CDK5RAP3: variants seen among roughly 807,000 people sequenced by gnomAD.
The protein encoded by CDK5RAP3 is CDK5 regulatory subunit associated protein 3, also known as CDK5 regulatory subunit-associated protein 3.
In CDK5RAP3, 58 loss-of-function variants were observed where a neutral mutation model predicts 73.3. The observed-to-expected ratio is 0.79, with a 90% CI of 0.64 to 0.98. The LOEUF is 0.98. Among genes scored for constraint, CDK5RAP3 ranks in the 50% least tolerant of loss-of-function variants. The pLI is 0.00. For missense variants in CDK5RAP3, 525 were observed against 615.8 expected, an observed-to-expected ratio of 0.85 and a Z score of 1.56; for synonymous variants, 224 against 247.5, an observed-to-expected ratio of 0.91 and a Z score of 0.89.
intron 4 of CDK5RAP3, 118 bp downstream of exon 4, chr17:47,974,149 C>G (rs1191308594): frequency 2.6e-6 from 2 of 774,108 alleles, no homozygotes; most frequent in Non-Finnish European, 4.4e-6. Flanking sequence ...ATTTCCTGAA[C>G]TTTCACTCTG....
chr17:47,975,133 G>A, intron 5 of CDK5RAP3, 26 bp from the exon 6 acceptor site: 1 of 1,613,936 alleles, frequency 6.2e-7, no homozygotes, highest in Non-Finnish European at 8.5e-7. Flanking sequence ...GGGTGTCCTG[G>A]GCTGAATTTC....
chr17:47,981,697 G>A lies in CDK5RAP3; in HGVS notation c.*195G>A. ...ACAAGAAGCTGTGGTGATTGGCCCT[G>A]TGGTCTATCAGGCGAAAACCACAGA... On this transcript the variant is annotated 3_prime_UTR_variant, in exon 14 of 14. Transcript: ENST00000338399. The A allele has an allele frequency of 1.3e-6, 2 of 1,534,972 alleles. No individual in the cohort carries two copies. Among genetic ancestry groups the A allele is most frequent in the Non-Finnish European group, 1.7e-6 (2 of 1,145,518 alleles).
rs140552517 is a variant in CDK5RAP3, at chr17:47,976,724, G to A, written c.811G>A (p.Asp271Asn). The part of the protein sequence containing the change: ...QVAEDAIDWG[D>N]FGVEAVSEGT... Reference sequence around the variant, plus strand: ...TTTCCCTTTCCAGATTGACTGGGGCGACTTTGGGGTAGAGGCAGTGTCTGA... The same window carrying A: ...TTTCCCTTTCCAGATTGACTGGGGCAACTTTGGGGTAGAGGCAGTGTCTGA... The change falls in exon 9 of 14, where the codon GAC (aspartate) becomes AAC (asparagine). Residue 271 changes from aspartate (D) to asparagine (N), a missense_variant. Physicochemically the swap from Asp to Asn is conservative, Grantham distance 23. Transcript: ENST00000338399. 2,308 of 1,611,140 alleles carry A rather than the reference G, an allele frequency of 1.4e-3. 20 individuals carry two copies. In the African/African-American group the frequency reaches 0.016, roughly 11 times the overall value.
intron 10 of CDK5RAP3, chr17:47,978,524 C>G (rs2036476132): frequency 2.8e-6 from 1 of 358,910 alleles, no homozygotes; most frequent in Non-Finnish European, 5.2e-6. Context: ...GTAGTGGTGT[C>G]TGAGCCACTA....
intron 5 of CDK5RAP3, chr17:47,974,845 T>C: frequency 1.6e-6 from 2 of 1,275,948 alleles, no homozygotes; most frequent in Non-Finnish European, 2.0e-6. Context: ...ACTAACTGTG[T>C]TTGGGTTGGG....
rs950673912 is a variant in CDK5RAP3 at position 47,975,899 on chromosome 17, G to T, written c.684G>T (p.Arg228=). The part of the protein sequence containing the change: ...SPTEQVLPML[R]FVQKRGNSTV... Reference sequence around the variant, plus strand: ...CAGAGCAGGTGTTGCCAATGCTGCGGTTCGTGCAGAAGCGGGGAAACTCAA... The same window carrying T: ...CAGAGCAGGTGTTGCCAATGCTGCGTTTCGTGCAGAAGCGGGGAAACTCAA... Residue 228 remains arginine, a synonymous_variant, in exon 8 of 14, where the codon CGG becomes CGT. Transcript: ENST00000338399. The T allele has an allele frequency of 6.2e-7, 1 of 1,614,264 alleles. No homozygotes were observed. Among genetic ancestry groups the T allele is most frequent in the Non-Finnish European group, 8.5e-7 (1 of 1,180,052 alleles).
At chr17:47,969,145 C>T (rs1296545104), upstream of CDK5RAP3, among the ~76,000 whole-genome samples, 3 of 152,202 alleles carry the variant, frequency 2.0e-5, no homozygotes, top group Non-Finnish European at 4.4e-5. Flanking sequence ...CAAGACCTCA[C>T]TGGGCAGAAT....
Position 47,981,489 on chromosome 17 carries a change from GA to G in CDK5RAP3, c.1510del (p.Thr504ProfsTer19), listed in dbSNP as rs754710076. 2 of 1,614,224 alleles carry G rather than the reference GA, an allele frequency of 1.2e-6. No individual in the cohort carries two copies. Among genetic ancestry groups the G allele is most frequent in the Admixed American group, 1.7e-5 (1 of 60,026 alleles). The part of the protein sequence containing the change: ...RYSGRPVNLM[G>X]TSL ...AGCGGGCGCCCTGTGAACCTGATGG[GA>G]ACCTCTCTGTGACACCCTCCGTGTT... On this transcript the variant is annotated frameshift_variant, in exon 14 of 14. Transcript: ENST00000338399. LOFTEE classifies it high-confidence loss of function.
chr17:47,968,466 G>A (rs963224526), upstream of CDK5RAP3, among the ~76,000 whole-genome samples: 1 of 151,146 alleles, frequency 6.6e-6, no homozygotes, highest in African/African-American at 2.4e-5. Context: ...GGGACTGCAG[G>A]CATGCACCAC....
intron 2 of CDK5RAP3, 96 bp downstream of exon 2, chr17:47,971,503 T>G (rs2036266925): frequency 8.5e-7 from 1 of 1,178,998 alleles, no homozygotes; most frequent in South Asian, 1.5e-5. Context: ...CCTGAAAGCC[T>G]GAGTCGAGAT....
At chr17:47,969,580 A>AAG (rs2036224452), upstream of CDK5RAP3, among the ~76,000 whole-genome samples, 1 of 131,326 alleles carries the variant, frequency 7.6e-6, no homozygotes, top group African/African-American at 2.9e-5. Flanking sequence ...AAAAAAAAAA[A>AAG]AAAAGAAAAG....
Position 47,973,566 on chromosome 17 carries a change from G to A in CDK5RAP3, c.100G>A (p.Val34Met). The part of the protein sequence containing the change: ...RHCSLKWQSL[V>M]LTIREKINAA... ...CTGCAGCCTGAAATGGCAGAGTCTG[G>A]TGCTGACGATCCGCGAGAAGATCAA... is the stretch of plus-strand genomic sequence containing the variant. Residue 34 changes from valine to methionine, a missense_variant, in exon 3 of 14, where the codon GTG (valine) becomes ATG (methionine). By Grantham distance (21) the Val-to-Met change is conservative. Transcript: ENST00000338399. The A allele has an allele frequency of 1.2e-6, 2 of 1,614,182 alleles. No homozygotes were observed.
rs767315001 is a variant in CDK5RAP3 at position 47,981,476 on chromosome 17, G to A, written c.1495G>A (p.Val499Met). 1.2e-6 allele frequency: 2 copies of A among 1,614,244 alleles called. No homozygotes were observed. Among genetic ancestry groups the A allele is most frequent in the Non-Finnish European group, 1.7e-6 (2 of 1,180,048 alleles). The change falls in exon 14 of 14, where the codon GTG (valine) becomes ATG (methionine). Residue 499 changes from valine (V) to methionine (M), a missense_variant. By Grantham distance (21) the Val-to-Met change is conservative (BLOSUM62 1). Around this residue, in one of 2 missense-constraint regions of CDK5RAP3, gnomAD observed 116 missense variants for 186.1 expected, o/e 0.62. Coordinates refer to ENST00000338399, the MANE Select transcript of CDK5RAP3 (RefSeq NM_176096.3). ...DISKRYSGRP[V>M]NLMGTSL Reference sequence around the variant, plus strand: ...CTCCAAGAGGTACAGCGGGCGCCCTGTGAACCTGATGGGAACCTCTCTGTG... The same window carrying A: ...CTCCAAGAGGTACAGCGGGCGCCCTATGAACCTGATGGGAACCTCTCTGTG...
At position 47,975,643 on chromosome 17, in the gene CDK5RAP3, G is replaced by C. The variant is rs753063656; in HGVS notation, c.643G>C (p.Val215Leu). The C allele has an allele frequency of 4.4e-6, 7 of 1,600,650 alleles. No individual in the cohort carries two copies. In the South Asian group the frequency reaches 7.7e-5, roughly 18 times the overall value. The change falls in exon 7 of 14, where the codon GTG (valine) becomes CTG (leucine). Residue 215 changes from valine (V) to leucine (L), a missense_variant. Val to Leu is a conservative substitution (Grantham distance 32). Transcript: ENST00000338399. ...CGTGTACCAGGCGTCTGTGGGGTTT[G>C]TGTGTGAGAGGTAGAGAGGCCTCAG... Reference protein sequence around the residue: ...IDVYQASVGFVCESPTEQVLP... With the variant: ...IDVYQASVGFLCESPTEQVLP...
chr17:47,976,378 G>C (rs756456697), intron 8 of CDK5RAP3: 4 of 352,734 alleles, frequency 1.1e-5, no homozygotes, highest in Non-Finnish European at 2.1e-5. Context: ...ATTTATTTTT[G>C]AGACTGGGCC....
rs145060685 is a variant in CDK5RAP3, at chr17:47,980,741, T to C, written c.1226T>C (p.Ile409Thr). ...VTMVSVLEDL[I>T]GKLTSLQLQH... ...ATGGTGTCAGTGCTGGAGGATCTGA[T>C]TGGCAAGCTTACCAGTCTTCAGCTG... The change falls in exon 12 of 14, where the codon ATT becomes ACT. Residue 409 changes from isoleucine to threonine, a missense_variant. By Grantham distance (89) the Ile-to-Thr change is moderately conservative. Coordinates refer to ENST00000338399, the MANE Select transcript of CDK5RAP3 (RefSeq NM_176096.3). The C allele has an allele frequency of 4.3e-5, 69 of 1,614,206 alleles. 1 individual carries two copies. Among genetic ancestry groups the C allele is most frequent in the African/African-American group, 2.8e-4 (21 of 75,046 alleles).
Position 47,975,593 on chromosome 17 carries a change from A to G in CDK5RAP3, c.593A>G (p.Gln198Arg). Reference protein sequence around the residue: ...SQLAEIGAAAQQSLGEAIDVY... With the variant: ...SQLAEIGAAARQSLGEAIDVY... ...CTGGCTGAGATTGGGGCAGCGGCTC[A>G]GCAGTCCCTGGGGGAAGCCATTGAC... Residue 198 changes from glutamine (Q) to arginine (R), a missense_variant, in exon 7 of 14, where the codon CAG becomes CGG. Gln to Arg is a conservative substitution (Grantham distance 43). This residue lies in a region of CDK5RAP3 where 409 missense variants were observed against 429.8 expected (regional missense o/e 0.95). Transcript: ENST00000338399. 1 of 1,609,388 alleles carries G rather than the reference A, an allele frequency of 6.2e-7. No homozygotes were observed. The highest frequency in any genetic ancestry group is 8.5e-7 in the Non-Finnish European group (1 of 1,179,998).
intron 5 of CDK5RAP3, chr17:47,974,740 C>T (rs1330009494): frequency 3.0e-6 from 4 of 1,311,486 alleles, no homozygotes; most frequent in Non-Finnish European, 3.9e-6. Flanking sequence ...AGTGTGCTGC[C>T]CCCACCCCCA....
intron 2 of CDK5RAP3, 73 bp from the exon 3 acceptor site, chr17:47,973,446 A>G: frequency 1.3e-6 from 2 of 1,556,810 alleles, no homozygotes; most frequent in Non-Finnish European, 8.8e-7. Context: ...ATTTCAGTGT[A>G]TTTCACTCGA....
Sources: gnomAD v4.1 joint callset for allele counts (sites outside exome capture counted in the v4.1 genomes callset) on GRCh38, gnomAD v4.1.1 for gene constraint, gnomAD v4.1.1 regional missense constraint, MANE v1.5 for transcripts, NCBI Gene and HGNC (gene_info 2026-07-23, HGNC 2026-07-21) for gene names.